COX4I1: variants seen among roughly 807,000 people sequenced by gnomAD.
COX4I1 encodes the protein cytochrome c oxidase subunit 4 isoform 1, mitochondrial.
Under a neutral mutation model 21.7 loss-of-function variants are expected in COX4I1, and 18 were observed. That is an observed-to-expected ratio of 0.83 (90% CI 0.57 to 1.23). The LOEUF (loss-of-function observed/expected upper bound fraction) is 1.23. Ranked by LOEUF, COX4I1 falls within the 50% of genes most tolerant of loss-of-function variation. The probability of loss-of-function intolerance (pLI) is 0.00; values close to 1 mark genes in which losing one functional copy is unlikely to be tolerated. For synonymous variants in COX4I1, 100 were observed against 81.5 expected (o/e 1.23, Z -1.23); for missense variants, 238 against 220.7 (o/e 1.08, Z -0.50).
chr16:85,806,859 C>A lies in COX4I1; in HGVS notation c.495C>A (p.Asn165Lys), dbSNP rs754611348. ...GLASKWDYEK[N>K]EWKK ...CCTCCAAGTGGGACTACGAAAAGAA[C>A]GAGTGGAAGAAGTGAGAGATGCTGG... The change falls in exon 5 of 5, where the codon AAC (asparagine) becomes AAA (lysine). Residue 165 changes from asparagine (N) to lysine (K), a missense_variant. Physicochemically the swap from Asn to Lys is moderately conservative, Grantham distance 94. Coordinates refer to ENST00000253452, the MANE Select transcript of COX4I1 (RefSeq NM_001861.6). The A allele has an allele frequency of 2.5e-6, 4 of 1,613,644 alleles. No homozygotes were observed. In the Admixed American group the frequency reaches 6.7e-5, roughly 27 times the overall value.
At position 85,801,174 on chromosome 16, in the gene COX4I1, C is replaced by T. The variant is rs367882670; in HGVS notation, c.-1-31C>T. On this transcript the variant is annotated intron_variant, in intron 1 of 4. Coordinates refer to ENST00000253452, the MANE Select transcript of COX4I1 (RefSeq NM_001861.6). The stretch of plus-strand genomic sequence containing the variant: ...TAATTCCTTGCTGTTTGTCCTTATT[C>T]ATAGAGAAGGTGTACATTTTTATCT... The T allele has an allele frequency of 4.8e-4, 749 of 1,568,580 alleles. 1 individual carries two copies. The highest frequency in any genetic ancestry group is 6.0e-4 in the Non-Finnish European group (691 of 1,142,758).
At position 85,805,757 on chromosome 16, in the gene COX4I1, G is replaced by C; in HGVS notation, c.266G>C (p.Ser89Thr). Reference sequence around the variant, plus strand: ...GTGTATCGCATTAAGTTCAAGGAGAGCTTTGCTGAGATGAACAGGGGCTCG... The same window carrying C: ...GTGTATCGCATTAAGTTCAAGGAGACCTTTGCTGAGATGAACAGGGGCTCG... The part of the protein sequence containing the change: ...VELYRIKFKE[S>T]FAEMNRGSNE... Residue 89 changes from serine (S) to threonine (T), a missense_variant, in exon 4 of 5, where the codon AGC becomes ACC. Transcript: ENST00000253452. 2 of 1,614,254 alleles carry C rather than the reference G, an allele frequency of 1.2e-6. No homozygotes were observed. The highest frequency in any genetic ancestry group is 1.7e-6 in the Non-Finnish European group (2 of 1,180,052).
chr16:85,800,116 C>T (rs545892230), intron 1 of COX4I1, among the ~76,000 whole-genome samples: 1 of 152,220 alleles, frequency 6.6e-6, no homozygotes, highest in Non-Finnish European at 1.5e-5. Flanking sequence ...TGCAACCCCT[C>T]CCGGGTTTTG....
chr16:85,800,252 C>G (rs1029578431), intron 1 of COX4I1, among the ~76,000 whole-genome samples: 3 of 152,234 alleles, frequency 2.0e-5, no homozygotes, highest in African/African-American at 7.2e-5. Flanking sequence ...CTTGTTTATT[C>G]TGCCCCAAGG....
intron 2 of COX4I1, chr16:85,804,573 G>A (rs368490834): frequency 5.9e-6 from 1 of 170,056 alleles, no homozygotes; most frequent in Non-Finnish European, 1.3e-5. Context: ...AGCCAGGATG[G>A]TCTCGATCTC....
Position 85,804,979 on chromosome 16 carries a change from T to C in COX4I1, c.116T>C (p.Met39Thr). ...KSEDFSLPAY[M>T]DRRDHPLPEV... ...GAAGACTTTTCGCTCCCAGCTTATA[T>C]GGATCGGCGTGACCACCCCTTGCCG... The change falls in exon 3 of 5, where the codon ATG (methionine) becomes ACG (threonine). Residue 39 changes from methionine (M) to threonine (T), a missense_variant. Transcript: ENST00000253452. 2 of 1,613,984 alleles carry C rather than the reference T, an allele frequency of 1.2e-6. No homozygotes were observed. The highest frequency in any genetic ancestry group is 1.7e-6 in the Non-Finnish European group (2 of 1,179,972).
intron 4 of COX4I1, chr16:85,806,339 G>T (rs998705456): frequency 1.9e-5 from 12 of 635,498 alleles, no homozygotes; most frequent in South Asian, 1.1e-4. Context: ...CTTCCCCGAG[G>T]TTCTTTCTGT....
chr16:85,806,460 C>G (rs1597220240), intron 4 of COX4I1: 1 of 703,908 alleles, frequency 1.4e-6, no homozygotes, highest in South Asian at 1.5e-5. Context: ...TTCCAGGTCA[C>G]CTTGGGCTCT....
In COX4I1 at chr16:85,805,167, C is replaced by T; in HGVS notation, c.241+63C>T. 2.0e-6 allele frequency: 3 copies of T among 1,506,912 alleles called. No homozygotes were observed. In the South Asian group the frequency reaches 3.8e-5, roughly 19 times the overall value. 93.3% of individuals were successfully genotyped at this position (1,506,912 alleles called of 1,614,324 possible). ...TCTCGGAAGCGTGTGTGTGACAGAG[C>T]CTCTGCTCACTTCTGGGCCTACTGT... On this transcript the variant is annotated intron_variant, in intron 3 of 4. Coordinates refer to ENST00000253452, the MANE Select transcript of COX4I1 (RefSeq NM_001861.6).
chr16:85,802,512 T>G (rs184344520), intron 2 of COX4I1, among the ~76,000 whole-genome samples: 303 of 151,032 alleles, frequency 2.0e-3, no homozygotes, highest in Non-Finnish European at 3.6e-3. Context: ...AGTTATAACT[T>G]ACGTAAGTCA....
At chr16:85,804,746 C>T in intron 2 of COX4I1, 191 bp from the exon 3 acceptor site, 2 of 525,762 alleles carry the variant, frequency 3.8e-6, no homozygotes, top group South Asian at 5.1e-5. Flanking sequence ...TTTTTGTTGG[C>T]TGTGATGAGA....
At chr16:85,802,052 C>T (rs1905806944) in intron 2 of COX4I1, among the ~76,000 whole-genome samples, 1 of 152,132 alleles carries the variant, frequency 6.6e-6, no homozygotes, top group Admixed American at 6.5e-5. Context: ...AGAGTCTACA[C>T]CCTGCCTGGT....
chr16:85,805,091 T>C lies in COX4I1; in HGVS notation c.228T>C (p.Asp76=), dbSNP rs4885. Residue 76 remains aspartate, a synonymous_variant, in exon 3 of 5, where the codon GAT becomes GAC. Transcript: ENST00000253452. ...EKASWSSLSM[D]EKVELYRIKF... The stretch of plus-strand genomic sequence containing the variant: ...CCTCCTGGAGCAGCCTCTCCATGGA[T>C]GAGAAAGTCGAGTGTGGGTATTGAA... 4,654 of 1,612,068 alleles carry C rather than the reference T, an allele frequency of 2.9e-3. 77 individuals are homozygous for C. In the African/African-American group the frequency reaches 0.038, roughly 13 times the overall value.
chr16:85,804,246 G>A (rs953678425), intron 2 of COX4I1: 10 of 152,196 alleles, frequency 6.6e-5, no homozygotes, highest in African/African-American at 2.4e-4. Context: ...TATTGTTTTT[G>A]TTCTTCCTCA....
Position 85,801,185 on chromosome 16 carries a change from T to TGTAC in COX4I1, c.-1-19_-1-16dup. 6.3e-7 allele frequency: 1 copy of TGTAC among 1,590,660 alleles called. No homozygotes were observed. Among genetic ancestry groups the TGTAC allele is most frequent in the Non-Finnish European group, 8.6e-7 (1 of 1,160,744 alleles). On this transcript the variant is annotated intron_variant, in intron 1 of 4. Transcript: ENST00000253452. ...TGTTTGTCCTTATTCATAGAGAAGG[T>TGTAC]GTACATTTTTATCTTTCAGAATGTT...
intron 4 of COX4I1, chr16:85,806,079 T>A: frequency 1.5e-6 from 1 of 652,506 alleles, no homozygotes; most frequent in East Asian, 2.7e-5. Context: ...TTCATAGCCA[T>A]GCTTGTTGGG....
intron 4 of COX4I1, 62 bp downstream of exon 4, chr16:85,805,926 T>G (rs1906165374): frequency 3.8e-6 from 6 of 1,598,118 alleles, no homozygotes; most frequent in Non-Finnish European, 8.6e-7. Flanking sequence ...CAGTGCCCAT[T>G]GGTGGGCTGT....
chr16:85,800,372 C>A (rs1029047005), intron 1 of COX4I1, among the ~76,000 whole-genome samples: 3 of 152,234 alleles, frequency 2.0e-5, no homozygotes, highest in African/African-American at 7.2e-5. Context: ...GGGGGGGTCT[C>A]ATAGGTTTTC....
At chr16:85,802,460 A>G (rs149561742) in intron 2 of COX4I1, among the ~76,000 whole-genome samples, 8 of 152,376 alleles carry the variant, frequency 5.3e-5, no homozygotes, top group African/African-American at 1.7e-4. Context: ...TAGGAGGCAG[A>G]TGAAGACGAA....
Sources: allele counts gnomAD v4.1 joint callset (sites outside exome capture counted in the v4.1 genomes callset), GRCh38; gene constraint gnomAD v4.1.1; transcripts MANE v1.5; gene names NCBI Gene and HGNC (gene_info 2026-07-23, HGNC 2026-07-21).